CNTNAP2: variants seen among roughly 807,000 people sequenced by gnomAD.
The protein encoded by CNTNAP2 is contactin associated protein 2.
In CNTNAP2, 98 loss-of-function variants were observed where a neutral mutation model predicts 155.2. That is an observed-to-expected ratio of 0.63 (90% CI 0.54 to 0.75). The LOEUF (loss-of-function observed/expected upper bound fraction) is 0.75. Ranked by LOEUF, CNTNAP2 falls within the 30% of genes least tolerant of loss-of-function variation. The pLI, the probability that CNTNAP2 is intolerant of heterozygous loss-of-function variation, is 0.00. For synonymous variants in CNTNAP2, 651 were observed against 631.2 expected, an observed-to-expected ratio of 1.03 and a Z score of -0.47; for missense variants, 1,727 against 1,688.1, an observed-to-expected ratio of 1.02 and a Z score of -0.40.
intron 18 of CNTNAP2, among the ~76,000 whole-genome samples, chr7:148,198,091 C>T (rs955980446): frequency 6.6e-6 from 1 of 152,146 alleles, no homozygotes; most frequent in East Asian, 1.9e-4. Context: ...GTGAAGGGAA[C>T]GATGTCAGGC....
chr7:147,858,365 G>C (rs1799077832), intron 13 of CNTNAP2, among the ~76,000 whole-genome samples: 1 of 152,220 alleles, frequency 6.6e-6, no homozygotes, highest in Non-Finnish European at 1.5e-5. Context: ...GGGATGACAG[G>C]CGTAAGCCAC....
At chr7:147,365,448 A>T (rs181467162) in intron 9 of CNTNAP2, among the ~76,000 whole-genome samples, 1 of 150,274 alleles carries the variant, frequency 6.7e-6, no homozygotes, top group African/African-American at 2.4e-5. Flanking sequence ...AGTCGTTCCT[A>T]TTGTTTCTGG....
chr7:146,808,252 A>G (rs1379380149), intron 2 of CNTNAP2, among the ~76,000 whole-genome samples: 1 of 152,234 alleles, frequency 6.6e-6, no homozygotes, highest in Non-Finnish European at 1.5e-5. Flanking sequence ...CAATAGCATT[A>G]TATGTTTCAA....
chr7:146,563,980 C>T (rs1364694559), intron 1 of CNTNAP2, among the ~76,000 whole-genome samples: 1 of 152,038 alleles, frequency 6.6e-6, no homozygotes, highest in Admixed American at 6.5e-5. Flanking sequence ...TTGTATTTCC[C>T]CTCTCATGTC....
intron 1 of CNTNAP2, among the ~76,000 whole-genome samples, chr7:146,536,590 TCC>T (rs138445958): frequency 6.8e-6 from 1 of 147,330 alleles, no homozygotes; most frequent in African/African-American, 2.5e-5. Context: ...TCCCCCATGT[TCC>T]CCCCCCACCA....
chr7:147,705,648 G>T (rs1796298804), intron 13 of CNTNAP2, among the ~76,000 whole-genome samples: 1 of 152,072 alleles, frequency 6.6e-6, no homozygotes, highest in Admixed American at 6.6e-5. Flanking sequence ...TGAGTGTAAG[G>T]TGTTGAAGTT....
At chr7:146,855,791 ATG>A (rs889598345) in intron 3 of CNTNAP2, among the ~76,000 whole-genome samples, 9 of 144,736 alleles carry the variant, frequency 6.2e-5, no homozygotes, top group African/African-American at 2.3e-4. Flanking sequence ...TTAAAAATAT[ATG>A]TGTGTGTTAA....
intron 8 of CNTNAP2, among the ~76,000 whole-genome samples, chr7:147,134,948 C>T (rs533514306): frequency 5.3e-5 from 8 of 151,936 alleles, no homozygotes; most frequent in African/African-American, 1.9e-4. Context: ...GGTGTACACA[C>T]ACAAAGTAGT....
chr7:147,438,692 G>A (rs1584948569), intron 10 of CNTNAP2, among the ~76,000 whole-genome samples: 1 of 151,958 alleles, frequency 6.6e-6, no homozygotes, highest in South Asian at 2.1e-4. Flanking sequence ...ATATTTGGTA[G>A]AATTCAGCAG....
chr7:146,848,344 G>A (rs560623856), intron 3 of CNTNAP2, among the ~76,000 whole-genome samples: 22 of 152,250 alleles, frequency 1.4e-4, no homozygotes, highest in Middle Eastern at 6.8e-3. Context: ...CAGATTTATC[G>A]TGAAAAAAGA....
chr7:148,163,594 C>A (rs752175218), intron 17 of CNTNAP2, among the ~76,000 whole-genome samples: 1 of 152,064 alleles, frequency 6.6e-6, no homozygotes, highest in Non-Finnish European at 1.5e-5. Flanking sequence ...TCTGAGGACA[C>A]AAGAAAATCC....
At chr7:146,460,020 T>C (rs555628551) in intron 1 of CNTNAP2, among the ~76,000 whole-genome samples, 2 of 152,056 alleles carry the variant, frequency 1.3e-5, no homozygotes, top group South Asian at 2.1e-4. Context: ...ACTGGATGCT[T>C]GTGAGAGGCA....
intron 13 of CNTNAP2, among the ~76,000 whole-genome samples, chr7:147,718,230 G>A (rs1796511202): frequency 2.0e-5 from 3 of 152,030 alleles, no homozygotes; most frequent in Admixed American, 2.0e-4. Flanking sequence ...TTCATATATA[G>A]GTATAGGTAG....
At chr7:147,159,589 G>A (rs557757610) in intron 8 of CNTNAP2, among the ~76,000 whole-genome samples, 58 of 152,092 alleles carry the variant, frequency 3.8e-4, no homozygotes, top group South Asian at 2.1e-3. Flanking sequence ...TTAAATATGC[G>A]GAACAAGGTA....
chr7:146,149,126 C>T (rs1797997524), intron 1 of CNTNAP2, among the ~76,000 whole-genome samples: 1 of 151,864 alleles, frequency 6.6e-6, no homozygotes, highest in Non-Finnish European at 1.5e-5. Context: ...CACATGTATA[C>T]ATATGTAACA....
At chr7:147,504,886 C>A in intron 11 of CNTNAP2, among the ~76,000 whole-genome samples, 1 of 151,334 alleles carries the variant, frequency 6.6e-6, no homozygotes, top group East Asian at 1.9e-4. Flanking sequence ...TAGGGAAAAT[C>A]TGTCCTTTGC....
At chr7:146,973,420 C>T (rs1797844296) in intron 3 of CNTNAP2, among the ~76,000 whole-genome samples, 2 of 152,216 alleles carry the variant, frequency 1.3e-5, no homozygotes, top group Middle Eastern at 3.2e-3. Flanking sequence ...TCCATTCACA[C>T]TGAAAGTACT....
intron 8 of CNTNAP2, among the ~76,000 whole-genome samples, chr7:147,296,040 T>C (rs1805435977): frequency 6.6e-6 from 1 of 152,212 alleles, no homozygotes; most frequent in African/African-American, 2.4e-5. Context: ...ATTAATTTTG[T>C]GATGGAGAAA....
rs535462022 is a variant in CNTNAP2, at chr7:147,185,413, A to G, written c.1348+52904A>G. ...GAGAAATTCTTGGATGGAGGCACAG[A>G]AAATTTGTATGAATATGTTCATATT... On this transcript the variant is annotated intron_variant, in intron 8 of 23. Coordinates refer to ENST00000361727, the MANE Select transcript of CNTNAP2 (RefSeq NM_014141.6). Among the ~76,000 whole-genome samples, 196 of 152,310 alleles carry G rather than the reference A, an allele frequency of 1.3e-3. 1 individual carries two copies. The highest frequency in any genetic ancestry group is 4.2e-3 in the African/African-American group (173 of 41,572).
Sources: allele counts gnomAD v4.1 joint callset (sites outside exome capture counted in the v4.1 genomes callset), GRCh38; gene constraint gnomAD v4.1.1; transcripts MANE v1.5; gene names NCBI Gene and HGNC (gene_info 2026-07-23, HGNC 2026-07-21).